Variants in DPYD observed in about 807,000 individuals in gnomAD.
DPYD encodes the protein dihydropyrimidine dehydrogenase.
Under a neutral mutation model 116.2 loss-of-function variants are expected in DPYD, and 109 were observed. The ratio of observed to expected loss-of-function variants is 0.94; its 90% CI spans 0.80 to 1.10. The LOEUF (loss-of-function observed/expected upper bound fraction) is 1.10, where lower values mean the gene tolerates loss of function less well. Ranked by LOEUF, DPYD falls within the 50% of genes least tolerant of loss-of-function variation. DPYD has a pLI of 0.00. For synonymous variants in DPYD, 440 were observed against 432.0 expected, an observed-to-expected ratio of 1.02 and a Z score of -0.23; for missense variants, 1,302 against 1,254.5, an observed-to-expected ratio of 1.04 and a Z score of -0.57.
At chr1:97,104,482 G>A (rs1010785336) in intron 20 of DPYD, among the ~76,000 whole-genome samples, 2 of 152,018 alleles carry the variant, frequency 1.3e-5, no homozygotes, top group Non-Finnish European at 2.9e-5. Flanking sequence ...AATAACAATT[G>A]CAATACCCTG....
chr1:97,878,587 A>G lies in DPYD; in HGVS notation c.150+4677T>C, dbSNP rs76318436. ...TCAACTCCCAAATCATATGTGTTTT[A>G]TCTCCTAAATCAATTCAAGCTCATC... On this transcript the variant is annotated intron_variant, in intron 2 of 22. Coordinates refer to ENST00000370192, the MANE Select transcript of DPYD (RefSeq NM_000110.4). 5.7e-4 allele frequency among the ~76,000 whole-genome samples: 86 copies of G among 152,054 alleles called. 3 individuals are homozygous for G. The East Asian group carries it at 0.015, about 26-fold the overall frequency.
intron 13 of DPYD, among the ~76,000 whole-genome samples, chr1:97,508,536 A>G (rs1647533592): frequency 6.6e-6 from 1 of 151,982 alleles, no homozygotes; most frequent in Admixed American, 6.6e-5. Context: ...TTATTTCTCA[A>G]TAGAAAGACA....
intron 8 of DPYD, among the ~76,000 whole-genome samples, chr1:97,608,490 C>G (rs934206557): frequency 2.6e-5 from 4 of 151,696 alleles, no homozygotes; most frequent in African/African-American, 9.7e-5. Flanking sequence ...GACTCCTAGA[C>G]AGTAGAAATA....
chr1:97,818,570 T>TAG (rs1429292600), intron 3 of DPYD, among the ~76,000 whole-genome samples: 4 of 152,038 alleles, frequency 2.6e-5, no homozygotes, highest in African/African-American at 9.7e-5. Flanking sequence ...TATGGTTGAT[T>TAG]TTACTAAACA....
chr1:97,266,545 T>C (rs1664238909), intron 18 of DPYD, among the ~76,000 whole-genome samples: 1 of 152,170 alleles, frequency 6.6e-6, no homozygotes, highest in Admixed American at 6.5e-5. Context: ...TTATTATTAT[T>C]ATACGTTAAG....
intron 20 of DPYD, among the ~76,000 whole-genome samples, chr1:97,170,941 G>A (rs984739348): frequency 1.3e-5 from 2 of 152,040 alleles, no homozygotes; most frequent in Admixed American, 6.6e-5. Flanking sequence ...CCAGAGTGCT[G>A]GGATTACAGG....
intron 20 of DPYD, among the ~76,000 whole-genome samples, chr1:97,134,754 G>C (rs17431828): frequency 0.3 from 45,512 of 151,970 alleles, 7,191 homozygotes; most frequent in Middle Eastern, 0.41. Flanking sequence ...AAGGTTCAGC[G>C]CAGCTCTGCA....
chr1:97,205,497 C>A (rs1659525468), intron 19 of DPYD, among the ~76,000 whole-genome samples: 1 of 152,044 alleles, frequency 6.6e-6, no homozygotes, highest in African/African-American at 2.4e-5. Context: ...GCAACAGAAT[C>A]CATTCACCTA....
intron 13 of DPYD, among the ~76,000 whole-genome samples, chr1:97,500,621 G>A (rs911329649): frequency 6.6e-6 from 1 of 152,004 alleles, no homozygotes; most frequent in African/African-American, 2.4e-5. Context: ...TATAATGTGA[G>A]ATAGTGTATC....
chr1:97,349,017 A>G (rs1379648412), intron 16 of DPYD, among the ~76,000 whole-genome samples: 1 of 152,198 alleles, frequency 6.6e-6, no homozygotes, highest in Non-Finnish European at 1.5e-5. Context: ...GTCATTTTAC[A>G]GAAAAGCTAC....
chr1:97,257,435 G>GTATATA (rs60425146), intron 18 of DPYD, among the ~76,000 whole-genome samples: 321 of 136,118 alleles, frequency 2.4e-3, no homozygotes, highest in African/African-American at 6.5e-3. Context: ...ATATACATAC[G>GTATATA]TATATATATA....
intron 3 of DPYD, among the ~76,000 whole-genome samples, chr1:97,827,026 G>A (rs1669273408): frequency 6.6e-6 from 1 of 151,968 alleles, no homozygotes; most frequent in South Asian, 2.1e-4. Flanking sequence ...TTAAATAGAA[G>A]TGGCTTCAAA....
At chr1:97,877,428 T>C (rs983338438) in intron 2 of DPYD, among the ~76,000 whole-genome samples, 2 of 151,978 alleles carry the variant, frequency 1.3e-5, no homozygotes, top group African/African-American at 2.4e-5. Flanking sequence ...CTCTCACAGA[T>C]ACTTACAATA....
intron 11 of DPYD, among the ~76,000 whole-genome samples, chr1:97,568,626 T>C (rs1387971105): frequency 1.3e-5 from 2 of 152,072 alleles, no homozygotes; most frequent in Non-Finnish European, 2.9e-5. Context: ...TTATGAAGAA[T>C]ACAACAATTT....
At chr1:97,738,577 A>C (rs1664088403) in intron 4 of DPYD, among the ~76,000 whole-genome samples, 1 of 152,132 alleles carries the variant, frequency 6.6e-6, no homozygotes, top group Non-Finnish European at 1.5e-5. Context: ...GCAATGTGGG[A>C]CAGCCTACAT....
At chr1:97,353,655 T>C (rs1301654996) in intron 16 of DPYD, among the ~76,000 whole-genome samples, 1 of 150,914 alleles carries the variant, frequency 6.6e-6, no homozygotes, top group African/African-American at 2.4e-5. Context: ...TATGCTACAG[T>C]TTCTCTTTAG....
intron 18 of DPYD, among the ~76,000 whole-genome samples, chr1:97,242,762 T>C (rs1357208131): frequency 6.6e-6 from 1 of 151,808 alleles, no homozygotes; most frequent in Non-Finnish European, 1.5e-5. Context: ...CTATCCTCTG[T>C]ACATTACAAA....
intron 18 of DPYD, among the ~76,000 whole-genome samples, chr1:97,239,571 A>C (rs1349549052): frequency 6.6e-6 from 1 of 152,078 alleles, no homozygotes; most frequent in African/African-American, 2.4e-5. Flanking sequence ...ATTTCAAGTT[A>C]ATAATTTGAA....
intron 12 of DPYD, among the ~76,000 whole-genome samples, chr1:97,530,898 G>A (rs72729989): frequency 0.2 from 29,837 of 151,974 alleles, 3,466 homozygotes; most frequent in East Asian, 0.47. Flanking sequence ...GTACCTGTTG[G>A]CCATTTGTAT....
Sources: allele counts gnomAD v4.1 joint callset (sites outside exome capture counted in the v4.1 genomes callset), GRCh38; gene constraint gnomAD v4.1.1; transcripts MANE v1.5; gene names NCBI Gene and HGNC (gene_info 2026-07-23, HGNC 2026-07-21).